ASAP1: variants seen among roughly 807,000 people sequenced by gnomAD.
ASAP1 encodes arf-GAP with SH3 domain, ANK repeat and PH domain-containing protein 1.
ASAP1 carries 43 observed loss-of-function variants against 145.2 expected under a neutral mutation model. The observed-to-expected ratio is 0.30, with a 90% CI of 0.23 to 0.38. The LOEUF is 0.38. ASAP1 is among the 10% of genes least tolerant of loss of function. ASAP1 has a pLI of 1.00. For missense variants in ASAP1, 1,018 were observed against 1,355.3 expected (o/e 0.75, Z 3.91); for synonymous variants, 546 against 515.5 (o/e 1.06, Z -0.80).
intron 13 of ASAP1, among the ~76,000 whole-genome samples, chr8:130,139,875 T>C (rs539233534): frequency 2.0e-5 from 3 of 151,124 alleles, no homozygotes; most frequent in Non-Finnish European, 4.4e-5. Context: ...CTCCGGTGTT[T>C]CTGAACAATC....
intron 3 of ASAP1, among the ~76,000 whole-genome samples, chr8:130,328,195 GACC>G (rs1334087583): frequency 6.6e-6 from 1 of 151,998 alleles, no homozygotes; most frequent in East Asian, 1.9e-4. Flanking sequence ...ATGAGGAAAT[GACC>G]ACGACTGGTG....
chr8:130,162,347 T>C lies in ASAP1; in HGVS notation c.910-2383A>G, dbSNP rs2097670935. Among the ~76,000 whole-genome samples the C allele has an allele frequency of 2.6e-5, 4 of 152,280 alleles. No individual in the cohort carries two copies. In the South Asian group the frequency reaches 8.3e-4, roughly 32 times the overall value. On this transcript the variant is annotated intron_variant, in intron 11 of 29. Transcript: ENST00000518721. ...TTTAAGAGAGGCAGCAGTGTGTTCA[T>C]AATCCTAATGAAGAAAAATGGATTG...
intron 1 of ASAP1, among the ~76,000 whole-genome samples, chr8:130,430,649 G>C (rs1399787362): frequency 3.9e-5 from 6 of 152,226 alleles, no homozygotes; most frequent in Non-Finnish European, 1.5e-5. Context: ...AGTGAGGTAG[G>C]AGAGGGTTGG....
At chr8:130,180,556 C>T (rs1814284486) in intron 8 of ASAP1, among the ~76,000 whole-genome samples, 195 bp downstream of exon 8, 3 of 152,188 alleles carry the variant, frequency 2.0e-5, no homozygotes, top group Non-Finnish European at 2.9e-5. Context: ...AGGGCCAAGG[C>T]TCAAAATATG....
chr8:130,288,474 C>G (rs1821755135), intron 3 of ASAP1, among the ~76,000 whole-genome samples: 1 of 152,194 alleles, frequency 6.6e-6, no homozygotes, highest in Non-Finnish European at 1.5e-5. Context: ...GTCCTACCTG[C>G]AGCTGTGCAT....
rs748597102 is a variant in ASAP1, at chr8:130,139,548, A to AC, written c.1081-2511_1081-2510insG. Among the ~76,000 whole-genome samples the AC allele has an allele frequency of 3.0e-3, 455 of 152,250 alleles. 2 individuals are homozygous for AC. Among genetic ancestry groups the AC allele is most frequent in the Non-Finnish European group, 5.1e-3 (349 of 68,018 alleles). On this transcript the variant is annotated intron_variant, in intron 13 of 29. Transcript: ENST00000518721. ...CAAGACCAGCCTGGCCAACGTGGCG[A>AC]AACCCCGTTGTCTCTACTGAAAATA... is the stretch of plus-strand genomic sequence containing the variant.
intron 3 of ASAP1, among the ~76,000 whole-genome samples, chr8:130,354,027 CAAG>C (rs1276338142): frequency 6.6e-6 from 1 of 151,994 alleles, no homozygotes; most frequent in Non-Finnish European, 1.5e-5. Flanking sequence ...GCTGGGACTA[CAAG>C]GCGCCTGACA....
intron 3 of ASAP1, among the ~76,000 whole-genome samples, chr8:130,313,644 G>A (rs1225092722): frequency 1.3e-5 from 2 of 152,142 alleles, no homozygotes; most frequent in East Asian, 1.9e-4. Flanking sequence ...AAAAGCAGAC[G>A]TTTCAGCTAC....
intron 15 of ASAP1, among the ~76,000 whole-genome samples, chr8:130,134,034 G>A (rs1439575457): frequency 2.0e-5 from 3 of 152,204 alleles, no homozygotes; most frequent in East Asian, 1.9e-4. Flanking sequence ...AAGAGGCCGC[G>A]GGCAAGGAGT....
In ASAP1 at chr8:130,358,264, C is replaced by A; in HGVS notation, c.60-121G>T. 4 of 721,348 alleles carry A rather than the reference C, an allele frequency of 5.5e-6. No homozygotes were observed. The highest frequency in any genetic ancestry group is 7.1e-6 in the Non-Finnish European group (4 of 565,898). 44.7% of individuals were successfully genotyped at this position (721,348 alleles called of 1,614,324 possible). A position where few individuals can be genotyped will look rare whatever the true frequency, so the allele number is the denominator to read the frequency against. On this transcript the variant is annotated intron_variant, in intron 2 of 29. Coordinates refer to ENST00000518721, the MANE Select transcript of ASAP1 (RefSeq NM_018482.4). The surrounding 1 kb of genome is among the most constrained non-coding windows in gnomAD (Gnocchi z 4.1). ...GCGCAGCCCGCCACCCGCCGCCCGG[C>A]CTGGCGCGCGGCTCCCGTCCCCGGC...
rs780732572 is a variant in ASAP1 at position 130,127,978 on chromosome 8, C to T, written c.1330G>A (p.Asp444Asn). 1 of 1,614,096 alleles carries T rather than the reference C, an allele frequency of 6.2e-7. No individual in the cohort carries two copies. Among genetic ancestry groups the T allele is most frequent in the Non-Finnish European group, 8.5e-7 (1 of 1,180,020 alleles). ...TCATTCCCTGGGAGCCGCTGGACAT[C>T]CTCAATAATGGCTTTTGTCAGGTCT... The part of the protein sequence containing the change: ...LEDLTKAIIE[D>N]VQRLPGNDIC... Residue 444 changes from aspartate (D) to asparagine (N), a missense_variant, in exon 16 of 30, where the codon GAT becomes AAT. By Grantham distance (23) the Asp-to-Asn change is conservative. Transcript: ENST00000518721.
chr8:130,086,691 C>T (rs2097493987), intron 25 of ASAP1, among the ~76,000 whole-genome samples: 1 of 152,176 alleles, frequency 6.6e-6, no homozygotes, highest in Non-Finnish European at 1.5e-5. Flanking sequence ...GTAGTCCCAG[C>T]TACTCAGGAG....
At chr8:130,209,313 G>C (rs999924439) in intron 5 of ASAP1, among the ~76,000 whole-genome samples, 1 of 152,240 alleles carries the variant, frequency 6.6e-6, no homozygotes, top group African/African-American at 2.4e-5. Flanking sequence ...TCATAACAAA[G>C]CCTTCAATTT....
At chr8:130,437,201 T>G (rs1466624809) in intron 1 of ASAP1, among the ~76,000 whole-genome samples, 4 of 152,080 alleles carry the variant, frequency 2.6e-5, no homozygotes, top group African/African-American at 9.7e-5. Flanking sequence ...TATACCTGAC[T>G]CAGCCCCCTT....
chr8:130,416,025 C>T (rs1312718412), intron 1 of ASAP1, among the ~76,000 whole-genome samples: 1 of 152,172 alleles, frequency 6.6e-6, no homozygotes, highest in East Asian at 1.9e-4. Context: ...TGAAGTTTCC[C>T]CAGAGTCTAG....
chr8:130,059,994 CCTGAGCCTAGGAGA>C (rs2097414493), intron 28 of ASAP1, among the ~76,000 whole-genome samples: 1 of 149,012 alleles, frequency 6.7e-6, no homozygotes. Context: ...AAGAGGATCA[CCTGAGCCTAGGAGA>C]CTGAGGCTGC....
intron 24 of ASAP1, among the ~76,000 whole-genome samples, chr8:130,099,700 T>TTTTTTTTTTTTG: frequency 8.0e-6 from 1 of 125,124 alleles, no homozygotes; most frequent in Non-Finnish European, 1.6e-5. Flanking sequence ...TTTTTTTTTT[T>TTTTTTTTTTTTG]GAGACAGAGT....
At chr8:130,122,408 TG>T (rs941021511) in intron 18 of ASAP1, among the ~76,000 whole-genome samples, 1 of 152,244 alleles carries the variant, frequency 6.6e-6, no homozygotes, top group African/African-American at 2.4e-5. Flanking sequence ...TTTATGCTTC[TG>T]GGTCACTGGC....
At chr8:130,250,931 T>C (rs886383945) in intron 3 of ASAP1, among the ~76,000 whole-genome samples, 3 of 152,188 alleles carry the variant, frequency 2.0e-5, no homozygotes, top group African/African-American at 4.8e-5. Context: ...TTCCTGGAGA[T>C]ACTGAATGCA....
Sources: gnomAD v4.1 joint callset for allele counts (sites outside exome capture counted in the v4.1 genomes callset) on GRCh38, gnomAD v4.1.1 for gene constraint, Gnocchi (gnomAD v3.1) non-coding constraint, MANE v1.5 for transcripts, NCBI Gene and HGNC (gene_info 2026-07-23, HGNC 2026-07-21) for gene names.